DAB1: variants seen among roughly 807,000 people sequenced by gnomAD.
DAB1 encodes the protein DAB adaptor protein 1.
DAB1 carries 15 observed loss-of-function variants against 64.6 expected under a neutral mutation model. That is an observed-to-expected ratio of 0.23 (90% CI 0.16 to 0.36). DAB1 has a LOEUF of 0.36. Among genes scored for constraint, DAB1 ranks in the 10% least tolerant of loss-of-function variants. The pLI is 1.00. For synonymous variants in DAB1, 235 were observed against 251.9 expected, an observed-to-expected ratio of 0.93 and a Z score of 0.64; for missense variants, 596 against 706.7, an observed-to-expected ratio of 0.84 and a Z score of 1.78.
At chr1:57,715,579 A>C (rs369394179) in intron 6 of DAB1, among the ~76,000 whole-genome samples, 2 of 152,252 alleles carry the variant, frequency 1.3e-5, no homozygotes, top group African/African-American at 2.4e-5. Context: ...AGAAGTAATA[A>C]GTTTTGTAAA....
At chr1:58,061,475 T>C (rs1257269695) in intron 5 of DAB1, among the ~76,000 whole-genome samples, 1 of 152,180 alleles carries the variant, frequency 6.6e-6, no homozygotes. Context: ...AGAGTCATAC[T>C]GATCTCTGCC....
chr1:57,549,695 G>A (rs2101472045), intron 7 of DAB1, among the ~76,000 whole-genome samples: 1 of 152,322 alleles, frequency 6.6e-6, no homozygotes, highest in South Asian at 2.1e-4. Flanking sequence ...ATTGGGTTGT[G>A]CAACAGGACA....
intron 4 of DAB1, among the ~76,000 whole-genome samples, chr1:57,110,910 T>C (rs1655600581): frequency 6.6e-6 from 1 of 152,070 alleles, no homozygotes; most frequent in African/African-American, 2.4e-5. Flanking sequence ...ACCCAGATCC[T>C]GCCTAACTCC....
At chr1:58,285,804 A>T (rs573913307) in intron 4 of DAB1, among the ~76,000 whole-genome samples, 1 of 152,324 alleles carries the variant, frequency 6.6e-6, no homozygotes, top group South Asian at 2.1e-4. Flanking sequence ...TCACAGAATT[A>T]GAAAAACCTA....
At chr1:57,669,584 G>C (rs1376081557) in intron 6 of DAB1, among the ~76,000 whole-genome samples, 1 of 152,140 alleles carries the variant, frequency 6.6e-6, no homozygotes, top group Admixed American at 6.6e-5. Flanking sequence ...CAGCAGGACA[G>C]CTGCCCAGCA....
intron 4 of DAB1, among the ~76,000 whole-genome samples, chr1:58,229,260 T>G (rs568294361): frequency 6.6e-6 from 1 of 152,230 alleles, no homozygotes; most frequent in Non-Finnish European, 1.5e-5. Context: ...TGAGCCACCA[T>G]GCTTGGCCTA....
At chr1:57,564,355 T>A (rs568897669) in intron 7 of DAB1, among the ~76,000 whole-genome samples, 1 of 152,182 alleles carries the variant, frequency 6.6e-6, no homozygotes, top group East Asian at 1.9e-4. Context: ...GCAGAAAAGC[T>A]GAAAATTCTA....
chr1:58,108,857 C>T lies in DAB1; in HGVS notation n.387+41654G>A, dbSNP rs528805628. On this transcript the variant is annotated intron_variant and non_coding_transcript_variant, in intron 5 of 20. Coordinates refer to the DAB1 transcript ENST00000485760. ...AACACTGAGCTGAGAATGAGACTGA[C>T]AGCACTCTTAAGTAGAGATACTAGT... Among the ~76,000 whole-genome samples, 6 of 152,278 alleles carry T rather than the reference C, an allele frequency of 3.9e-5. No homozygotes were observed. The South Asian group carries it at 1.2e-3, about 32-fold the overall frequency.
chr1:58,250,537 T>G (rs1378416181), intron 4 of DAB1, among the ~76,000 whole-genome samples: 1 of 152,184 alleles, frequency 6.6e-6, no homozygotes, highest in Non-Finnish European at 1.5e-5. Context: ...TTTCATACCT[T>G]ATACATCACT....
chr1:58,056,691 A>G (rs971524051), intron 5 of DAB1, among the ~76,000 whole-genome samples: 4 of 152,096 alleles, frequency 2.6e-5, no homozygotes, highest in Non-Finnish European at 5.9e-5. Context: ...ATCCATGTGG[A>G]CTACACCATG....
intron 1 of DAB1, among the ~76,000 whole-genome samples, chr1:57,403,845 T>C (rs193147043): frequency 3.6e-4 from 55 of 152,132 alleles, no homozygotes; most frequent in Admixed American, 5.9e-4. Flanking sequence ...ATGTAGAAAA[T>C]TTTTCAGTTT....
intron 7 of DAB1, among the ~76,000 whole-genome samples, chr1:57,586,335 C>T (rs1438021005): frequency 6.6e-6 from 1 of 152,210 alleles, no homozygotes; most frequent in Non-Finnish European, 1.5e-5. Context: ...TGAATTGATG[C>T]CCTCCACATG....
At chr1:57,218,907 A>C (rs1432110828) in intron 2 of DAB1, among the ~76,000 whole-genome samples, 1 of 152,156 alleles carries the variant, frequency 6.6e-6, no homozygotes, top group Admixed American at 6.5e-5. Flanking sequence ...GGAGGGGCTT[A>C]TCTAGCCACA....
intron 4 of DAB1, among the ~76,000 whole-genome samples, chr1:58,270,294 T>C (rs1354147513): frequency 6.8e-6 from 1 of 147,642 alleles, no homozygotes; most frequent in Non-Finnish European, 1.5e-5. Flanking sequence ...CTTTCCCCAT[T>C]GCTTGTTTTT....
intron 4 of DAB1, among the ~76,000 whole-genome samples, chr1:58,216,496 G>A (rs562520166): frequency 5.3e-5 from 8 of 152,258 alleles, no homozygotes; most frequent in Non-Finnish European, 1.0e-4. Context: ...ACATATGTGT[G>A]CATGTGTCTT....
At chr1:57,429,654 T>C (rs1685424423) in intron 7 of DAB1, among the ~76,000 whole-genome samples, 1 of 152,226 alleles carries the variant, frequency 6.6e-6, no homozygotes, top group Non-Finnish European at 1.5e-5. Flanking sequence ...CATTTTGAGT[T>C]GATTTTCATA....
chr1:58,074,595 T>TATATATACACACATATATATA (rs1188769684), intron 5 of DAB1, among the ~76,000 whole-genome samples: 1 of 105,354 alleles, frequency 9.5e-6, no homozygotes, highest in African/African-American at 3.2e-5. Context: ...TATATATATA[T>TATATATACACACATATATATA]TTGAGAAACA....
intron 5 of DAB1, among the ~76,000 whole-genome samples, chr1:57,996,717 A>T (rs1359322374): frequency 6.6e-6 from 1 of 152,100 alleles, no homozygotes; most frequent in Non-Finnish European, 1.5e-5. Flanking sequence ...CAATCATGTA[A>T]CTCACTGGGC....
chr1:57,625,398 T>C (rs942129253), intron 7 of DAB1, among the ~76,000 whole-genome samples: 2 of 152,120 alleles, frequency 1.3e-5, no homozygotes, highest in Non-Finnish European at 2.9e-5. Context: ...GGCCAGCCAC[T>C]GGGCTAGGCA....
Sources: allele counts gnomAD v4.1 joint callset (sites outside exome capture counted in the v4.1 genomes callset), GRCh38; gene constraint gnomAD v4.1.1; transcripts MANE v1.5; gene names NCBI Gene and HGNC (gene_info 2026-07-23, HGNC 2026-07-21).